Variants in KASH5 observed in about 807,000 individuals in gnomAD.
KASH5 encodes KASH domain containing 5.
In KASH5, 72 loss-of-function variants were observed where a neutral mutation model predicts 84.2. The ratio of observed to expected loss-of-function variants is 0.85; its 90% confidence interval spans 0.71 to 1.04. The LOEUF is 1.04. Among genes scored for constraint, KASH5 ranks in the 50% least tolerant of loss-of-function variants. The probability of loss-of-function intolerance (pLI) is 0.00; values close to 1 mark genes in which losing one functional copy is unlikely to be tolerated. For missense variants in KASH5, 650 were observed against 701.0 expected (o/e 0.93, Z 0.82); for synonymous variants, 260 against 279.1 (o/e 0.93, Z 0.68).
chr19:49,409,771 G>A lies in KASH5; in HGVS notation c.1165G>A (p.Ala389Thr). 2 of 1,613,964 alleles carry A rather than the reference G, an allele frequency of 1.2e-6. No individual in the cohort carries two copies. Among genetic ancestry groups the A allele is most frequent in the Non-Finnish European group, 1.7e-6 (2 of 1,179,838 alleles). The change falls in exon 15 of 20, where the codon GCT (alanine) becomes ACT (threonine). Residue 389 changes from alanine to threonine, a missense_variant. Coordinates refer to ENST00000447857, the MANE Select transcript of KASH5 (RefSeq NM_144688.5). ...AIRQKQEVAT[A>T]DLSNPLCGVW... The stretch of plus-strand genomic sequence containing the variant: ...GTCCCAGAAACAGGAAGTGGCAACT[G>A]CTGATCTCTCCAACCCTCTGTGTGG...
chr19:49,409,874 A>G lies in KASH5; in HGVS notation c.1268A>G (p.Gln423Arg), dbSNP rs201323497. Residue 423 changes from glutamine (Q) to arginine (R), a missense_variant and splice_region_variant, in exon 15 of 20, where the codon CAG (glutamine) becomes CGG (arginine). Coordinates refer to ENST00000447857, the MANE Select transcript of KASH5 (RefSeq NM_144688.5). ...EFPSEAPAGG[Q>R]RNFQGEPAHP... ...CCATCTGAAGCCCCAGCTGGGGGAC[A>G]GGTGAGCACAGGAAAAGCTCTGAAG... 6.2e-7 allele frequency: 1 copy of G among 1,613,270 alleles called. No homozygotes were observed. Among genetic ancestry groups the G allele is most frequent in the Non-Finnish European group, 8.5e-7 (1 of 1,179,554 alleles).
intron 9 of KASH5, among the ~76,000 whole-genome samples, chr19:49,405,832 T>TACTCAAAATTAGCTCACTGG (rs1974507302): frequency 6.6e-6 from 1 of 151,680 alleles, no homozygotes. Flanking sequence ...GGCACATGCC[T>TACTCAAAATTAGCTCACTGG]GTAATCCCAG....
At chr19:49,407,387 C>A in intron 11 of KASH5, 91 bp downstream of exon 11, 1 of 1,403,278 alleles carries the variant, frequency 7.1e-7, no homozygotes, top group Non-Finnish European at 9.9e-7. Context: ...CTACTTGGGT[C>A]TGATCCTTGG....
intron 15 of KASH5, among the ~76,000 whole-genome samples, chr19:49,411,926 A>C (rs1005814666): frequency 2.8e-5 from 1 of 35,116 alleles, no homozygotes; most frequent in African/African-American, 9.0e-5. Context: ...GAGGGAAGGA[A>C]GGAAGGAAGG....
chr19:49,415,379 C>G, intron 17 of KASH5: 1 of 328,344 alleles, frequency 3.0e-6, no homozygotes, highest in South Asian at 2.8e-5. Context: ...TCCCTGGGGG[C>G]GTAGTGCCCG....
chr19:49,409,103 C>A, intron 13 of KASH5, 72 bp downstream of exon 13: 1 of 1,583,450 alleles, frequency 6.3e-7, no homozygotes, highest in Non-Finnish European at 8.6e-7. Context: ...GGCCTCCAGC[C>A]CCAAGGTGGG....
intron 9 of KASH5, among the ~76,000 whole-genome samples, chr19:49,406,566 G>A (rs1172092670): frequency 2.0e-5 from 3 of 152,002 alleles, no homozygotes; most frequent in East Asian, 1.9e-4. Flanking sequence ...TAGTAGAGAC[G>A]GGGTTTCACC....
intron 9 of KASH5, 128 bp from the exon 10 acceptor site, chr19:49,406,758 G>A (rs1568618810): frequency 1.3e-6 from 1 of 799,398 alleles, no homozygotes; most frequent in Non-Finnish European, 2.1e-6. Context: ...GAATTAAATG[G>A]GTTAAAACAT....
intron 7 of KASH5, 91 bp from the exon 8 acceptor site, chr19:49,398,934 C>T: frequency 1.0e-6 from 1 of 967,888 alleles, no homozygotes; most frequent in Non-Finnish European, 1.6e-6. Flanking sequence ...TGGGATCTCT[C>T]TGTTGCTAGT....
chr19:49,406,745 G>A, intron 9 of KASH5, 141 bp from the exon 10 acceptor site: 2 of 726,228 alleles, frequency 2.8e-6, no homozygotes, highest in South Asian at 1.8e-5. Context: ...GGAATGGTTG[G>A]AGGAATTAAA....
chr19:49,391,776 A>G (rs977776454), intron 2 of KASH5: 1 of 152,148 alleles, frequency 6.6e-6, no homozygotes, highest in Non-Finnish European at 1.5e-5. Flanking sequence ...GAGTGAACGG[A>G]CGGATGTAGG....
intron 2 of KASH5, chr19:49,393,219 A>G (rs1309386010): frequency 6.6e-6 from 1 of 152,224 alleles, no homozygotes; most frequent in Admixed American, 6.5e-5. Context: ...CAGTTCATGT[A>G]AAGTGCTCAG....
chr19:49,394,638 G>A, intron 3 of KASH5, 58 bp downstream of exon 3: 1 of 1,333,914 alleles, frequency 7.5e-7, no homozygotes, highest in Non-Finnish European at 1.1e-6. Context: ...GTGGAGGCTG[G>A]GAACTGGGGA....
chr19:49,394,692 T>C (rs4802602), intron 3 of KASH5, 112 bp downstream of exon 3: 432,855 of 764,734 alleles, frequency 0.57, 125,289 homozygotes, highest in African/African-American at 0.78. Context: ...TTGGGGGTAT[T>C]GTAAGAACAA....
At chr19:49,394,247 A>G (rs187668445) in intron 2 of KASH5, among the ~76,000 whole-genome samples, 11 of 152,230 alleles carry the variant, frequency 7.2e-5, no homozygotes, top group Admixed American at 6.5e-4. Context: ...TGGACACAAA[A>G]AGACAGCAGG....
At chr19:49,390,960 G>C in intron 2 of KASH5, 34 bp downstream of exon 2, 1 of 1,601,092 alleles carries the variant, frequency 6.2e-7, no homozygotes, top group Non-Finnish European at 8.5e-7. Context: ...CCCCGGGGAG[G>C]GTGAGGAGGG....
intron 17 of KASH5, 94 bp downstream of exon 17, chr19:49,415,090 C>A: frequency 1.7e-6 from 2 of 1,174,488 alleles, no homozygotes; most frequent in Non-Finnish European, 2.5e-6. Context: ...CAGCCTCACA[C>A]TCCAACTCCT....
intron 17 of KASH5, 99 bp downstream of exon 17, chr19:49,415,095 A>C: frequency 1.8e-6 from 2 of 1,125,162 alleles, no homozygotes; most frequent in Non-Finnish European, 2.6e-6. Flanking sequence ...TCACACTCCA[A>C]CTCCTCAGGA....
At chr19:49,403,186 G>A (rs924376392) in intron 9 of KASH5, among the ~76,000 whole-genome samples, 4 of 152,090 alleles carry the variant, frequency 2.6e-5, no homozygotes, top group African/African-American at 7.2e-5. Flanking sequence ...TGAAACCCCC[G>A]TCTCTACTAA....
Sources: gnomAD v4.1 joint callset for allele counts (sites outside exome capture counted in the v4.1 genomes callset) on GRCh38, gnomAD v4.1.1 for gene constraint, MANE v1.5 for transcripts, NCBI Gene and HGNC (gene_info 2026-07-23, HGNC 2026-07-21) for gene names.